F8: variants seen among roughly 807,000 people sequenced by gnomAD.
The protein encoded by F8 is coagulation factor VIII, also known as antihemophilic factor.
In F8, 12 loss-of-function variants were observed where a neutral mutation model predicts 140.6. That is an observed-to-expected ratio of 0.09 (90% confidence interval 0.05 to 0.14). The LOEUF (loss-of-function observed/expected upper bound fraction) is 0.14. Ranked by LOEUF, F8 falls within the 10% of genes least tolerant of loss-of-function variation. The pLI is 1.00. For synonymous variants in F8, 585 were observed against 614.6 expected (o/e 0.95, Z 0.71); for missense variants, 1,354 against 1,720.7 (o/e 0.79, Z 3.77).
chrX:154,894,245 G>A (rs782403141), intron 22 of F8, among the ~76,000 whole-genome samples: 1 of 103,744 alleles, frequency 9.6e-6, no homozygotes, highest in Admixed American at 1.0e-4. Context: ...CCTCCTGAGG[G>A]CTGTGTCATG....
At chrX:154,941,610 G>C (rs1266014245) in intron 13 of F8, among the ~76,000 whole-genome samples, 2 of 111,312 alleles carry the variant, frequency 1.8e-5, no homozygotes, top group Admixed American at 9.5e-5. Flanking sequence ...AGATCAACGA[G>C]ACAGAAAGTT....
At chrX:154,967,325 T>C (rs1452772336) in intron 7 of F8, among the ~76,000 whole-genome samples, 1 of 112,475 alleles carries the variant, frequency 8.9e-6, no homozygotes, top group East Asian at 2.8e-4. Flanking sequence ...TAAGAGCATG[T>C]CTGCCTGTGA....
chrX:154,838,600 A>C (rs1255314246), intron 25 of F8, among the ~76,000 whole-genome samples: 1 of 111,992 alleles, frequency 8.9e-6, no homozygotes, highest in Non-Finnish European at 1.9e-5. Flanking sequence ...AAAAGGAGGC[A>C]ACTTGCCACC....
At position 154,919,287 on chromosome X, in the gene F8, C is replaced by T. The variant is rs376750331; in HGVS notation, c.5219+9284G>A. Among the ~76,000 whole-genome samples, 28 of 111,852 alleles carry T rather than the reference C, an allele frequency of 2.5e-4. No homozygotes were observed. In the South Asian group the frequency reaches 8.6e-3, roughly 35 times the overall value. ...CTTTATCCCATCTTGTCTCTCATGC[C>T]TTCCATTCTGTATCACTTTTTTATT... On this transcript the variant is annotated intron_variant, in intron 14 of 25. Coordinates refer to ENST00000360256, the MANE Select transcript of F8 (RefSeq NM_000132.4).
chrX:154,841,426 G>T (rs1417905042), intron 25 of F8, among the ~76,000 whole-genome samples: 1 of 108,935 alleles, frequency 9.2e-6, no homozygotes, highest in African/African-American at 3.3e-5. Flanking sequence ...TTAGGCAGCT[G>T]CCATTATCTG....
At chrX:154,920,378 A>G (rs1473439675) in intron 14 of F8, among the ~76,000 whole-genome samples, 1 of 111,194 alleles carries the variant, frequency 9.0e-6, no homozygotes, top group African/African-American at 3.3e-5. Flanking sequence ...CAAAATTAGC[A>G]GGCTATTTTA....
chrX:154,875,659 A>T (rs2072805691), intron 22 of F8, among the ~76,000 whole-genome samples: 1 of 111,224 alleles, frequency 9.0e-6, no homozygotes, highest in Admixed American at 9.6e-5. Context: ...GGCAGAGGAC[A>T]CAGTCAGCTG....
At chrX:154,963,845 C>CT (rs1337645426) in intron 9 of F8, among the ~76,000 whole-genome samples, 76 of 103,035 alleles carry the variant, frequency 7.4e-4, no homozygotes, top group East Asian at 1.5e-3. Context: ...TATATTGTTA[C>CT]TTTTTTTTTT....
intron 1 of F8, among the ~76,000 whole-genome samples, chrX:155,001,854 G>A (rs2073648285): frequency 9.0e-6 from 1 of 111,597 alleles, no homozygotes; most frequent in African/African-American, 3.3e-5. Flanking sequence ...TAAGGCTGCA[G>A]TGAGCTATGA....
At chrX:154,852,733 CA>C (rs138789441) in intron 25 of F8, among the ~76,000 whole-genome samples, 163 of 103,328 alleles carry the variant, frequency 1.6e-3, no homozygotes, top group Middle Eastern at 5.0e-3. Flanking sequence ...TTCTATTCCT[CA>C]AAAAAAAAAA....
At chrX:154,875,777 A>C (rs1489992396) in intron 22 of F8, among the ~76,000 whole-genome samples, 3 of 108,031 alleles carry the variant, frequency 2.8e-5, no homozygotes, top group African/African-American at 1.0e-4. Context: ...GTGTGTGTAG[A>C]GAGAGAGAGA....
At chrX:154,952,471 A>G (rs1819823784) in intron 12 of F8, among the ~76,000 whole-genome samples, 1 of 111,624 alleles carries the variant, frequency 9.0e-6, no homozygotes, top group Non-Finnish European at 1.9e-5. Context: ...GAATTGTAAC[A>G]TATGCCACAT....
At chrX:155,002,124 G>C (rs189217520) in intron 1 of F8, among the ~76,000 whole-genome samples, 1 of 112,259 alleles carries the variant, frequency 8.9e-6, no homozygotes, top group African/African-American at 3.2e-5. Flanking sequence ...ATTTCACTTA[G>C]CGTAATATAC....
chrX:154,980,946 A>AG, intron 6 of F8, among the ~76,000 whole-genome samples: 1 of 112,305 alleles, frequency 8.9e-6, no homozygotes, highest in East Asian at 2.8e-4. Flanking sequence ...ACTCCAACCT[A>AG]GGCAACAGAG....
At chrX:154,921,445 T>C (rs1392176989) in intron 14 of F8, among the ~76,000 whole-genome samples, 1 of 111,945 alleles carries the variant, frequency 8.9e-6, no homozygotes, top group Admixed American at 9.5e-5. Flanking sequence ...TGTAAACTAG[T>C]TCAACCATTG....
chrX:154,973,762 C>A (rs1474340622), intron 6 of F8, among the ~76,000 whole-genome samples: 1 of 111,853 alleles, frequency 8.9e-6, no homozygotes, highest in African/African-American at 3.3e-5. Flanking sequence ...TATATAAGAT[C>A]ATGTCTTCTG....
rs782600138 is a variant in F8 at position 154,929,518 on chromosome X, G to C, written c.4272C>G (p.Thr1424=). ...SFPSIRPIYL[T]RVLFQDNSSH... Reference sequence around the variant, plus strand: ...AAGAGTTGTCTTGGAATAGGACCCTGGTCAGATATATAGGTCTAATAGATG... The same window carrying C: ...AAGAGTTGTCTTGGAATAGGACCCTCGTCAGATATATAGGTCTAATAGATG... The change falls in exon 14 of 26, where the codon ACC becomes ACG. Residue 1424 remains threonine (T), a synonymous_variant. Coordinates refer to ENST00000360256, the MANE Select transcript of F8 (RefSeq NM_000132.4). The C allele has an allele frequency of 8.3e-7, 1 of 1,210,174 alleles. No homozygotes were observed. The highest frequency in any genetic ancestry group is 1.1e-6 in the Non-Finnish European group (1 of 894,228).
intron 11 of F8, among the ~76,000 whole-genome samples, chrX:154,954,879 T>G (rs1167664267): frequency 8.9e-6 from 1 of 111,750 alleles, no homozygotes; most frequent in Non-Finnish European, 1.9e-5. Context: ...TGTGTTTTAT[T>G]GGCACCAAAG....
intron 6 of F8, among the ~76,000 whole-genome samples, chrX:154,977,958 T>G (rs1474137882): frequency 9.0e-6 from 1 of 110,750 alleles, no homozygotes; most frequent in Non-Finnish European, 1.9e-5. Flanking sequence ...TTTAAAATTC[T>G]TTTTTCTTTA....
Sources: gnomAD v4.1 joint callset for allele counts (sites outside exome capture counted in the v4.1 genomes callset) on GRCh38, gnomAD v4.1.1 for gene constraint, MANE v1.5 for transcripts, NCBI Gene and HGNC (gene_info 2026-07-23, HGNC 2026-07-21) for gene names.